POFUT3: variants seen among roughly 807,000 people sequenced by gnomAD.
POFUT3 encodes the protein GDP-fucose protein O-fucosyltransferase 3.
At chr8:33,453,233 T>C in the POFUT3 span, 1 of 1,614,126 alleles carries the variant, frequency 6.2e-7, no homozygotes, top group South Asian at 1.1e-5. Flanking sequence ...GAGGAATGCT[T>C]TGGTCATGTG....
chr8:33,377,800 AAG>A, the POFUT3 span, among the ~76,000 whole-genome samples: 4 of 152,222 alleles, frequency 2.6e-5, no homozygotes, highest in African/African-American at 9.6e-5. Context: ...TTTGTTTCCA[AAG>A]AGAACGTGGT....
chr8:33,455,707 C>G, the POFUT3 span: 1 of 420,408 alleles, frequency 2.4e-6, no homozygotes, highest in African/African-American at 2.1e-5. Flanking sequence ...CTCCACCAGT[C>G]GGCCATGGAG....
chr8:33,351,843 T>TA, the POFUT3 span, among the ~76,000 whole-genome samples: 1 of 152,130 alleles, frequency 6.6e-6, no homozygotes, highest in Non-Finnish European at 1.5e-5. Flanking sequence ...AGGTAGAAGA[T>TA]AAAAACTAGC....
the POFUT3 span, among the ~76,000 whole-genome samples, chr8:33,402,548 T>C: frequency 6.6e-6 from 1 of 152,196 alleles, no homozygotes; most frequent in African/African-American, 2.4e-5. Context: ...GATTTTCTAA[T>C]ATACATGTCT....
the POFUT3 span, among the ~76,000 whole-genome samples, chr8:33,424,694 G>A: frequency 2.6e-5 from 4 of 151,916 alleles, no homozygotes; most frequent in Non-Finnish European, 4.4e-5. Flanking sequence ...ATTCCCCTTC[G>A]ACATTCCACC....
the POFUT3 span, chr8:33,460,762 T>G: frequency 1.0e-6 from 1 of 985,198 alleles, no homozygotes; most frequent in Non-Finnish European, 1.2e-6. Flanking sequence ...TCACTAAACC[T>G]CAGTTTCACC....
chr8:33,375,656 C>G, the POFUT3 span, among the ~76,000 whole-genome samples: 2 of 152,118 alleles, frequency 1.3e-5, no homozygotes, highest in Non-Finnish European at 2.9e-5. Context: ...TTTTTAATAA[C>G]AGTCACACAG....
chr8:33,322,237 G>C, the POFUT3 span, among the ~76,000 whole-genome samples: 1 of 152,060 alleles, frequency 6.6e-6, no homozygotes, highest in Admixed American at 6.6e-5. Context: ...GACTTGTCCT[G>C]AGCCCACTTT....
the POFUT3 span, among the ~76,000 whole-genome samples, chr8:33,340,020 A>C: frequency 6.6e-6 from 1 of 152,186 alleles, no homozygotes; most frequent in South Asian, 2.1e-4. Flanking sequence ...TATTAGTTGA[A>C]GCACATATTA....
At chr8:33,367,809 G>A in the POFUT3 span, among the ~76,000 whole-genome samples, 1 of 151,750 alleles carries the variant, frequency 6.6e-6, no homozygotes, top group Non-Finnish European at 1.5e-5. Context: ...AAAAGTTCTT[G>A]GGATAATATC....
At chr8:33,399,060 C>G in the POFUT3 span, among the ~76,000 whole-genome samples, 1 of 151,920 alleles carries the variant, frequency 6.6e-6, no homozygotes, top group Non-Finnish European at 1.5e-5. Context: ...TTGTTTCTAT[C>G]TTATTTGCAT....
chr8:33,380,202 C>CTATATATATATAGTA, the POFUT3 span, among the ~76,000 whole-genome samples: 2 of 37,650 alleles, frequency 5.3e-5, no homozygotes, highest in South Asian at 1.2e-3. Context: ...TATATATATA[C>CTATATATATATAGTA]TATATATATA....
the POFUT3 span, among the ~76,000 whole-genome samples, chr8:33,423,911 G>A: frequency 4.0e-5 from 6 of 151,586 alleles, no homozygotes; most frequent in African/African-American, 1.5e-4. Flanking sequence ...GGCCAAAGCG[G>A]GTGGATCATT....
At chr8:33,451,242 T>C in the POFUT3 span, among the ~76,000 whole-genome samples, 1 of 152,156 alleles carries the variant, frequency 6.6e-6, no homozygotes, top group Non-Finnish European at 1.5e-5. Context: ...ATCCAAAATG[T>C]TCCAATAAGC....
At chr8:33,467,219 G>A in the POFUT3 span, among the ~76,000 whole-genome samples, 7 of 139,006 alleles carry the variant, frequency 5.0e-5, no homozygotes, top group Non-Finnish European at 1.1e-4. Context: ...GTTGCAGTGA[G>A]CCGAGATCAC....
the POFUT3 span, among the ~76,000 whole-genome samples, chr8:33,459,968 G>A: frequency 9.2e-5 from 14 of 152,076 alleles, no homozygotes; most frequent in African/African-American, 3.4e-4. Context: ...GGCCGAGGCG[G>A]GTGGATCACT....
chr8:33,456,380 C>CA, the POFUT3 span, among the ~76,000 whole-genome samples: 1 of 151,852 alleles, frequency 6.6e-6, no homozygotes, highest in Non-Finnish European at 1.5e-5. Flanking sequence ...TTTTTTGAGA[C>CA]AGAGTCTCTC....
the POFUT3 span, among the ~76,000 whole-genome samples, chr8:33,425,026 A>G: frequency 6.6e-6 from 1 of 152,204 alleles, no homozygotes; most frequent in Non-Finnish European, 1.5e-5. Flanking sequence ...GTATAATACC[A>G]GAACTCAAAA....
At chr8:33,331,906 T>A in the POFUT3 span, among the ~76,000 whole-genome samples, 1 of 144,742 alleles carries the variant, frequency 6.9e-6, no homozygotes, top group East Asian at 2.1e-4. Flanking sequence ...CTAGATCTCC[T>A]GACCTCGTGA....
Sources: gnomAD v4.1 joint callset for allele counts (sites outside exome capture counted in the v4.1 genomes callset) on GRCh38, gnomAD v4.1.1 for gene constraint, MANE v1.5 for transcripts, NCBI Gene and HGNC (gene_info 2026-07-23, HGNC 2026-07-21) for gene names.